The following RAB40A variants were observed in gnomAD, a reference collection of about 807,000 sequenced individuals.
RAB40A encodes the protein ras-related protein Rab-40A.
For missense variants in RAB40A, 145 were observed against 230.2 expected (o/e 0.63, Z 2.40); for synonymous variants, 65 against 99.9 (o/e 0.65, Z 2.08).
chrX:103,513,102 A>G (rs1380023279), intron 2 of RAB40A, among the ~76,000 whole-genome samples: 1 of 111,824 alleles, frequency 8.9e-6, no homozygotes, highest in Admixed American at 9.5e-5. Context: ...CACCCGGGGG[A>G]AGGGCAAGCA....
At chrX:103,509,317 CTCTG>C (rs1173582423) in intron 2 of RAB40A, among the ~76,000 whole-genome samples, 4 of 99,718 alleles carry the variant, frequency 4.0e-5, no homozygotes, top group Non-Finnish European at 5.9e-5. Flanking sequence ...CTCTCTCTCT[CTCTG>C]TCTCTCTGTC....
At chrX:103,502,685 T>A (rs771184297) in intron 2 of RAB40A, 18 of 760,745 alleles carry the variant, frequency 2.4e-5, no homozygotes, top group Non-Finnish European at 2.7e-5. Flanking sequence ...TGGAAGCCCA[T>A]CTTCTAAAAG....
intron 2 of RAB40A, among the ~76,000 whole-genome samples, chrX:103,512,304 T>C (rs1238333820): frequency 9.3e-6 from 1 of 108,049 alleles, no homozygotes; most frequent in Non-Finnish European, 1.9e-5. Flanking sequence ...TAGTTTTGGT[T>C]AGCTGTTTTT....
At chrX:103,503,349 T>C (rs2073238598) in intron 2 of RAB40A, 1 of 749,019 alleles carries the variant, frequency 1.3e-6, no homozygotes, top group Non-Finnish European at 1.6e-6. Flanking sequence ...TGGGAGGAGG[T>C]CTGGGAAGCT....
chrX:103,500,873 CTG>C, intron 2 of RAB40A, 47 bp from the exon 3 acceptor site: 1 of 1,096,161 alleles, frequency 9.1e-7, no homozygotes, highest in Non-Finnish European at 1.2e-6. Context: ...ATGGGGAAGT[CTG>C]TGAAATAAAG....
intron 2 of RAB40A, among the ~76,000 whole-genome samples, chrX:103,504,757 T>A (rs183020366): frequency 0.017 from 1,886 of 111,665 alleles, 22 homozygotes; most frequent in Non-Finnish European, 0.028. Flanking sequence ...CCTGGCCTCA[T>A]GAGATCCACC....
intron 2 of RAB40A, among the ~76,000 whole-genome samples, chrX:103,516,737 A>T (rs1490717674): frequency 9.0e-6 from 1 of 111,638 alleles, no homozygotes; most frequent in Non-Finnish European, 1.9e-5. Flanking sequence ...GATTTTTTAT[A>T]CATGGATATA....
At chrX:103,513,895 AAC>A (rs59511853) in intron 2 of RAB40A, among the ~76,000 whole-genome samples, 35 of 106,282 alleles carry the variant, frequency 3.3e-4, no homozygotes, top group East Asian at 1.7e-3. Context: ...GTCTCAAGAA[AAC>A]ACACACACAC....
intron 2 of RAB40A, among the ~76,000 whole-genome samples, chrX:103,511,497 C>T (rs749169791): frequency 2.3e-3 from 234 of 99,590 alleles, no homozygotes; most frequent in African/African-American, 9.4e-3. Flanking sequence ...AGCGAGACTC[C>T]GTCTCAAAAA....
rs2073218325 is a variant in RAB40A, at chrX:103,500,447, C to T, written c.310G>A (p.Gly104Ser). 8.3e-7 allele frequency: 1 copy of T among 1,208,159 alleles called. No individual in the cohort carries two copies. Among genetic ancestry groups the T allele is most frequent in the African/African-American group, 1.8e-5 (1 of 56,710 alleles). ...ATCTTCTTAATCCATCGATCCATAC[C>T]CTCGAAAGACCAGCGGTTTGCAATG... ...YDIANRWSFEGMDRWIKKIEE... is the reference protein window; with the variant it reads ...YDIANRWSFESMDRWIKKIEE... The change falls in exon 3 of 3, where the codon GGT becomes AGT. Residue 104 changes from glycine to serine, a missense_variant. Transcript: ENST00000304236.
At chrX:103,509,155 T>C (rs941875032) in intron 2 of RAB40A, among the ~76,000 whole-genome samples, 3 of 111,957 alleles carry the variant, frequency 2.7e-5, no homozygotes, top group African/African-American at 9.8e-5. Flanking sequence ...GGGAAATGAA[T>C]ATATGGGCAA....
At chrX:103,502,248 GA>G (rs34521680) in intron 2 of RAB40A, 16,847 of 113,886 alleles carry the variant, frequency 0.15, 3,306 homozygotes, top group African/African-American at 0.54. Flanking sequence ...GGCAAATAGA[GA>G]AAAAAAAAAC....
rs1264801865 is a variant in RAB40A at position 103,500,282 on chromosome X, A to G, written c.475T>C (p.Cys159Arg). ...AAAGACTCTATGATGTTGAAATTGC[A>G]CAGAGGGCTGACCTCAAAGAAGGTC... The part of the protein sequence containing the change: ...GVTFFEVSPL[C>R]NFNIIESFTE... Residue 159 changes from cysteine to arginine, a missense_variant, in exon 3 of 3, where the codon TGC (cysteine) becomes CGC (arginine). Cys to Arg is a radical substitution (Grantham distance 180). Transcript: ENST00000304236. 1 of 1,210,321 alleles carries G rather than the reference A, an allele frequency of 8.3e-7. No individual in the cohort carries two copies. The highest frequency in any genetic ancestry group is 2.2e-5 in the Admixed American group (1 of 45,863).
At chrX:103,514,015 G>C (rs1279764504) in intron 2 of RAB40A, among the ~76,000 whole-genome samples, 1 of 111,443 alleles carries the variant, frequency 9.0e-6, no homozygotes, top group African/African-American at 3.3e-5. Context: ...AAAATGATAT[G>C]TACCAATTCT....
chrX:103,513,767 G>A (rs1277506615), intron 2 of RAB40A, among the ~76,000 whole-genome samples: 6 of 110,408 alleles, frequency 5.4e-5, no homozygotes, highest in Admixed American at 1.9e-4. Flanking sequence ...CTACTTGGGA[G>A]GCTGAAGTGA....
chrX:103,511,174 A>G (rs750969161), intron 2 of RAB40A, among the ~76,000 whole-genome samples: 1 of 111,465 alleles, frequency 9.0e-6, no homozygotes, highest in Non-Finnish European at 1.9e-5. Flanking sequence ...AACGTGACAT[A>G]TACACCATGG....
chrX:103,493,301 TG>T, the RAB40A span, among the ~76,000 whole-genome samples: 1 of 111,914 alleles, frequency 8.9e-6, no homozygotes, highest in African/African-American at 3.2e-5. Flanking sequence ...TTAATTTTTG[TG>T]GGTACATAAT....
intron 1 of RAB40A, among the ~76,000 whole-genome samples, chrX:103,518,313 A>C (rs1190128657): frequency 2.7e-5 from 3 of 111,625 alleles, no homozygotes; most frequent in Non-Finnish European, 5.7e-5. Context: ...AGAAGCCAAT[A>C]ATGTCTTTTC....
At chrX:103,493,982 A>G in the RAB40A span, among the ~76,000 whole-genome samples, 1 of 112,027 alleles carries the variant, frequency 8.9e-6, no homozygotes, top group Admixed American at 9.5e-5. Context: ...TGGAAGTTCA[A>G]TTTTTAGTTT....
Sources: gnomAD v4.1 joint callset for allele counts (sites outside exome capture counted in the v4.1 genomes callset) on GRCh38, gnomAD v4.1.1 for gene constraint, MANE v1.5 for transcripts, NCBI Gene and HGNC (gene_info 2026-07-23, HGNC 2026-07-21) for gene names.